MYF5: variants seen among roughly 807,000 people sequenced by gnomAD.
MYF5 encodes the protein myogenic factor 5.
A neutral mutation model predicts 22.3 loss-of-function variants in MYF5; 20 were observed. The ratio of observed to expected loss-of-function variants is 0.90; its 90% CI spans 0.63 to 1.30. The LOEUF is 1.30. MYF5 is among the 50% of genes most tolerant of loss of function. The pLI is 0.00. For synonymous variants in MYF5, 141 were observed against 128.4 expected (o/e 1.10, Z -0.66); for missense variants, 348 against 325.9 (o/e 1.07, Z -0.52).
In MYF5 at chr12:80,717,536, GC is replaced by G; in HGVS notation, c.477del (p.Thr160ProfsTer51). ...LPGQSCSEPT[S>X]PTSNCSDGMP... The stretch of plus-strand genomic sequence containing the variant: ...GGACAGAGCTGCTCGGAGCCCACCA[GC>G]CCCACCTCCAACTGCTCTGATGGCA... On this transcript the variant is annotated frameshift_variant, in exon 1 of 3. Transcript: ENST00000228644. LOFTEE classifies it high-confidence loss of function. 1.9e-6 allele frequency: 3 copies of G among 1,614,022 alleles called. No homozygotes were observed. Among genetic ancestry groups the G allele is most frequent in the Non-Finnish European group, 2.5e-6 (3 of 1,179,978 alleles).
chr12:80,718,857 T>G lies in MYF5; in HGVS notation c.578-4T>G, dbSNP rs752382196. On this transcript the variant is annotated splice_polypyrimidine_tract_variant and splice_region_variant and intron_variant, in intron 2 of 2. Coordinates refer to ENST00000228644, the MANE Select transcript of MYF5 (RefSeq NM_005593.3). ...TTTTAATGCTTTTCTCCTTGTATCC[T>G]TAGTATATGCCACAGATAAAAACTC... The G allele has an allele frequency of 1.9e-6, 3 of 1,607,286 alleles. No homozygotes were observed. The South Asian group carries it at 3.3e-5, about 18-fold the overall frequency.
chr12:80,717,364 C>G lies in MYF5; in HGVS notation c.301C>G (p.Gln101Glu). Reference sequence around the variant, plus strand: ...GCGGAGGCGCCTGAAGAAGGTCAACCAGGCTTTCGAAACCCTCAAGAGGTG... The same window carrying G: ...GCGGAGGCGCCTGAAGAAGGTCAACGAGGCTTTCGAAACCCTCAAGAGGTG... ...RERRRLKKVN[Q>E]AFETLKRCTT... is the part of the protein sequence containing the mutation. The change falls in exon 1 of 3, where the codon CAG becomes GAG. Residue 101 changes from glutamine (Q) to glutamate (E), a missense_variant. Gln to Glu is a conservative substitution (Grantham distance 29). Coordinates refer to ENST00000228644, the MANE Select transcript of MYF5 (RefSeq NM_005593.3). 6.2e-7 allele frequency: 1 copy of G among 1,614,178 alleles called. No individual in the cohort carries two copies. The highest frequency in any genetic ancestry group is 8.5e-7 in the Non-Finnish European group (1 of 1,180,036).
At chr12:80,718,158 G>C (rs1242291742) in intron 1 of MYF5, among the ~76,000 whole-genome samples, 200 bp from the exon 2 acceptor site, 1 of 152,120 alleles carries the variant, frequency 6.6e-6, no homozygotes, top group African/African-American at 2.4e-5. Flanking sequence ...CTTTGCTGCT[G>C]CTCTCCTCTT....
In MYF5 at chr12:80,719,229, G is replaced by T; in HGVS notation, c.*178G>T. 2 of 524,484 alleles carry T rather than the reference G, an allele frequency of 3.8e-6. No individual in the cohort carries two copies. Among genetic ancestry groups the T allele is most frequent in the Non-Finnish European group, 6.7e-6 (2 of 300,006 alleles). The allele number at this position is 524,484 out of a possible 1,614,324, so 32.5% of individuals were successfully genotyped here. Reference sequence around the variant, plus strand: ...TGTATTTAACTAAAAAGTCATCATTGCAAATAATACTTTCTTCTTCTTTAT... The same window carrying T: ...TGTATTTAACTAAAAAGTCATCATTTCAAATAATACTTTCTTCTTCTTTAT... On this transcript the variant is annotated 3_prime_UTR_variant, in exon 3 of 3. Coordinates refer to ENST00000228644, the MANE Select transcript of MYF5 (RefSeq NM_005593.3).
Position 80,717,078 on chromosome 12 carries a change from T to C in MYF5, c.15T>C (p.Asp5=). The C allele has an allele frequency of 6.2e-7, 1 of 1,603,858 alleles. No individual in the cohort carries two copies. The highest frequency in any genetic ancestry group is 8.5e-7 in the Non-Finnish European group (1 of 1,177,172). MDVM[D]GCQFSPSEYF... ...CTCTCAGCAGGATGGACGTGATGGA[T>C]GGCTGCCAGTTCTCACCTTCTGAGT... The change falls in exon 1 of 3, where the codon GAT becomes GAC. Residue 5 remains aspartate, a synonymous_variant. Coordinates refer to ENST00000228644, the MANE Select transcript of MYF5 (RefSeq NM_005593.3).
chr12:80,716,997 CGCCA>C lies in MYF5; in HGVS notation c.-65_-62del. On this transcript the variant is annotated 5_prime_UTR_variant, in exon 1 of 3. Transcript: ENST00000228644. ...CCCGGGATTTGCCCATCGGCGGAGG[CGCCA>C]GGCTCCCGTTTCTCCCCATCCCTCT... The C allele has an allele frequency of 6.5e-7, 1 of 1,531,732 alleles. No homozygotes were observed. The highest frequency in any genetic ancestry group is 8.8e-7 in the Non-Finnish European group (1 of 1,142,320). The allele number at this position is 1,531,732 out of a possible 1,614,324, so 94.9% of individuals were successfully genotyped here.
intron 1 of MYF5, 143 bp from the exon 2 acceptor site, chr12:80,718,215 G>A: frequency 4.1e-6 from 3 of 736,598 alleles, no homozygotes; most frequent in East Asian, 2.5e-5. Flanking sequence ...TTTGGAGAGG[G>A]CTAGCCCTTC....
rs748084530 is a variant in MYF5, at chr12:80,717,363, C to T, written c.300C>T (p.Asn100=). ...AGCGGAGGCGCCTGAAGAAGGTCAA[C>T]CAGGCTTTCGAAACCCTCAAGAGGT... The part of the protein sequence containing the change: ...MRERRRLKKV[N]QAFETLKRCT... Residue 100 remains asparagine, a synonymous_variant, in exon 1 of 3, where the codon AAC becomes AAT. Coordinates refer to ENST00000228644, the MANE Select transcript of MYF5 (RefSeq NM_005593.3). 6 of 1,614,202 alleles carry T rather than the reference C, an allele frequency of 3.7e-6. No individual in the cohort carries two copies. The Admixed American group carries it at 8.3e-5, about 22-fold the overall frequency.
Position 80,717,072 on chromosome 12 carries a change from G to A in MYF5, c.9G>A (p.Val3=). The change falls in exon 1 of 3, where the codon GTG becomes GTA. Residue 3 remains valine (V), a synonymous_variant. Coordinates refer to ENST00000228644, the MANE Select transcript of MYF5 (RefSeq NM_005593.3). ...GCCTGCCTCTCAGCAGGATGGACGT[G>A]ATGGATGGCTGCCAGTTCTCACCTT... MD[V]MDGCQFSPSE... is the part of the protein sequence containing the mutation. 1.2e-6 allele frequency: 2 copies of A among 1,602,298 alleles called. No homozygotes were observed. Among genetic ancestry groups the A allele is most frequent in the South Asian group, 1.1e-5 (1 of 90,958 alleles).
Position 80,718,864 on chromosome 12 carries a change from A to G in MYF5, c.581A>G (p.Tyr194Cys). The G allele has an allele frequency of 3.1e-6, 5 of 1,611,330 alleles. No homozygotes were observed. The highest frequency in any genetic ancestry group is 4.2e-6 in the Non-Finnish European group (5 of 1,177,672). ...GCTTTTCTCCTTGTATCCTTAGTATATGCCACAGATAAAAACTCCTTATCC... is the reference window on the plus strand; with the variant it reads ...GCTTTTCTCCTTGTATCCTTAGTATGTGCCACAGATAAAAACTCCTTATCC... ...SIYCPDVSNV[Y>C]ATDKNSLSSL... The change falls in exon 3 of 3, where the codon TAT becomes TGT. Residue 194 changes from tyrosine (Y) to cysteine (C), a missense_variant. Coordinates refer to ENST00000228644, the MANE Select transcript of MYF5 (RefSeq NM_005593.3).
At position 80,717,311 on chromosome 12, in the gene MYF5, A is replaced by G; in HGVS notation, c.248A>G (p.Asp83Gly). 1 of 1,613,982 alleles carries G rather than the reference A, an allele frequency of 6.2e-7. No individual in the cohort carries two copies. Among genetic ancestry groups the G allele is most frequent in the Non-Finnish European group, 8.5e-7 (1 of 1,180,010 alleles). The change falls in exon 1 of 3, where the codon GAT becomes GGT. Residue 83 changes from aspartate to glycine, a missense_variant. By Grantham distance (94) the Asp-to-Gly change is moderately conservative (BLOSUM62 -1). Transcript: ENST00000228644. ...TGCAAGAGGAAGTCCACCACCATGGATCGGCGGAAGGCAGCCACTATGCGC... is the reference window on the plus strand; with the variant it reads ...TGCAAGAGGAAGTCCACCACCATGGGTCGGCGGAAGGCAGCCACTATGCGC... The part of the protein sequence containing the change: ...KACKRKSTTM[D>G]RRKAATMRER...
Position 80,717,525 on chromosome 12 carries a change from G to A in MYF5, c.462G>A (p.Ser154=), listed in dbSNP as rs751777341. The change falls in exon 1 of 3, where the codon TCG becomes TCA. Residue 154 remains serine, a synonymous_variant. Coordinates refer to ENST00000228644, the MANE Select transcript of MYF5 (RefSeq NM_005593.3). ...NYYSLPGQSC[S]EPTSPTSNCS... ...ATAGCCTGCCGGGACAGAGCTGCTC[G>A]GAGCCCACCAGCCCCACCTCCAACT... 33 of 1,614,096 alleles carry A rather than the reference G, an allele frequency of 2.0e-5. No homozygotes were observed. Among genetic ancestry groups the A allele is most frequent in the Middle Eastern group, 1.6e-4 (1 of 6,062 alleles).
Position 80,717,019 on chromosome 12 carries a change from A to G in MYF5, c.-45A>G. 1 of 1,556,720 alleles carries G rather than the reference A, an allele frequency of 6.4e-7. No homozygotes were observed. The highest frequency in any genetic ancestry group is 1.2e-5 in the South Asian group (1 of 85,020). ...AGGCGCCAGGCTCCCGTTTCTCCCC[A>G]TCCCTCTCGCTGCCGTCCAGGTGCA... On this transcript the variant is annotated 5_prime_UTR_variant, in exon 1 of 3. Coordinates refer to ENST00000228644, the MANE Select transcript of MYF5 (RefSeq NM_005593.3).
chr12:80,717,659 A>T, intron 1 of MYF5, 95 bp downstream of exon 1: 1 of 1,442,112 alleles, frequency 6.9e-7, no homozygotes, highest in Admixed American at 2.2e-5. Context: ...AGTGGGGTGG[A>T]GGCAGATGCT....
intron 1 of MYF5, 34 bp downstream of exon 1, chr12:80,717,598 C>G: frequency 5.0e-6 from 8 of 1,593,534 alleles, no homozygotes; most frequent in Non-Finnish European, 6.9e-6. Flanking sequence ...CTAGGCTACC[C>G]TAATCTTTTC....
intron 1 of MYF5, among the ~76,000 whole-genome samples, chr12:80,718,141 C>G (rs1274269355): frequency 6.6e-6 from 1 of 152,176 alleles, no homozygotes; most frequent in African/African-American, 2.4e-5. Context: ...ATTCCACCCC[C>G]TCTTCCCTTT....
chr12:80,716,944 T>C lies in MYF5; in HGVS notation c.-120T>C. The C allele has an allele frequency of 8.0e-7, 1 of 1,257,428 alleles. No individual in the cohort carries two copies. Among genetic ancestry groups the C allele is most frequent in the Non-Finnish European group, 1.1e-6 (1 of 921,110 alleles). The allele number at this position is 1,257,428 out of a possible 1,614,324, so 77.9% of individuals were successfully genotyped here. A position where few individuals can be genotyped will look rare whatever the true frequency, so the allele number is the denominator to read the frequency against. ...CCAACAGGCGTCTGCCCTTGTTAAT[T>C]ACCGGAGCGACAGACTAGGGAGCTC... On this transcript the variant is annotated 5_prime_UTR_variant, in exon 1 of 3. Coordinates refer to ENST00000228644, the MANE Select transcript of MYF5 (RefSeq NM_005593.3).
chr12:80,716,929 T>G lies in MYF5; in HGVS notation c.-135T>G. The G allele has an allele frequency of 9.1e-7, 1 of 1,100,858 alleles. No homozygotes were observed. Among genetic ancestry groups the G allele is most frequent in the South Asian group, 1.6e-5 (1 of 62,542 alleles). 68.2% of individuals were successfully genotyped at this position (1,100,858 alleles called of 1,614,324 possible). On this transcript the variant is annotated 5_prime_UTR_variant, in exon 1 of 3. Transcript: ENST00000228644. ...GCTTGTCTACCCAGGCCAACAGGCG[T>G]CTGCCCTTGTTAATTACCGGAGCGA...
chr12:80,717,403 C>G lies in MYF5; in HGVS notation c.340C>G (p.Pro114Ala). 5 of 1,614,186 alleles carry G rather than the reference C, an allele frequency of 3.1e-6. No homozygotes were observed. The highest frequency in any genetic ancestry group is 4.2e-6 in the Non-Finnish European group (5 of 1,180,034). ...CCTCAAGAGGTGTACCACGACCAACCCCAACCAGAGGCTGCCCAAGGTGGA... is the reference window on the plus strand; with the variant it reads ...CCTCAAGAGGTGTACCACGACCAACGCCAACCAGAGGCTGCCCAAGGTGGA... ...ETLKRCTTTN[P>A]NQRLPKVEIL... Residue 114 changes from proline to alanine, a missense_variant, in exon 1 of 3, where the codon CCC (proline) becomes GCC (alanine). Physicochemically the swap from Pro to Ala is conservative, Grantham distance 27. Coordinates refer to ENST00000228644, the MANE Select transcript of MYF5 (RefSeq NM_005593.3).
Sources: gnomAD v4.1 joint callset for allele counts (sites outside exome capture counted in the v4.1 genomes callset) on GRCh38, gnomAD v4.1.1 for gene constraint, MANE v1.5 for transcripts, NCBI Gene and HGNC (gene_info 2026-07-23, HGNC 2026-07-21) for gene names.